Variants in DDAH1 observed in about 807,000 individuals in gnomAD.
DDAH1 encodes dimethylarginine dimethylaminohydrolase 1, also known as N(G),N(G)-dimethylarginine dimethylaminohydrolase 1.
DDAH1 carries 19 observed loss-of-function variants against 28.8 expected under a neutral mutation model. That is an observed-to-expected ratio of 0.66 (90% CI 0.46 to 0.97). DDAH1 has a LOEUF of 0.97. DDAH1 is among the 50% of genes least tolerant of loss of function. The pLI is 0.00. For synonymous variants in DDAH1, 153 were observed against 154.4 expected, an observed-to-expected ratio of 0.99 and a Z score of 0.07; for missense variants, 326 against 375.9, an observed-to-expected ratio of 0.87 and a Z score of 1.10.
chr1:85,387,253 A>C (rs36110608), intron 1 of DDAH1, among the ~76,000 whole-genome samples: 24,029 of 152,114 alleles, frequency 0.16, 2,282 homozygotes, highest in Admixed American at 0.22. Context: ...CAGGCTGAGA[A>C]CTTTCCAAAA....
At chr1:85,567,828 A>C (rs1344798930) in intron 1 of DDAH1, among the ~76,000 whole-genome samples, 1 of 152,184 alleles carries the variant, frequency 6.6e-6, no homozygotes, top group African/African-American at 2.4e-5. Flanking sequence ...ATAGGTAGAC[A>C]AAAAAATCAA....
At chr1:85,455,502 T>A (rs1278427809) in intron 1 of DDAH1, among the ~76,000 whole-genome samples, 1 of 152,204 alleles carries the variant, frequency 6.6e-6, no homozygotes, top group African/African-American at 2.4e-5. Context: ...AAAAGTTAAA[T>A]ATTAGAAAAC....
chr1:85,372,918 C>T (rs759769599), intron 1 of DDAH1, among the ~76,000 whole-genome samples: 6 of 152,044 alleles, frequency 3.9e-5, no homozygotes, highest in Middle Eastern at 3.4e-3. Flanking sequence ...CAGGAATGTG[C>T]GTGTTATGAA....
chr1:85,432,375 T>C lies in DDAH1; in HGVS notation c.303+32368A>G, dbSNP rs1057231490. Reference sequence around the variant, plus strand: ...CCACCCATCCCTCCCAAAGCTATGATTCTGAGATGTCTAAGCAACACTAGA... The same window carrying C: ...CCACCCATCCCTCCCAAAGCTATGACTCTGAGATGTCTAAGCAACACTAGA... On this transcript the variant is annotated intron_variant, in intron 1 of 5. Transcript: ENST00000284031. 2.3e-4 allele frequency among the ~76,000 whole-genome samples: 35 copies of C among 152,196 alleles called. 1 individual carries two copies. Among genetic ancestry groups the C allele is most frequent in the African/African-American group, 7.2e-4 (30 of 41,448 alleles).
At chr1:85,409,533 T>C (rs892870487) in intron 1 of DDAH1, among the ~76,000 whole-genome samples, 1 of 152,196 alleles carries the variant, frequency 6.6e-6, no homozygotes, top group Non-Finnish European at 1.5e-5. Flanking sequence ...GTGGAGATTC[T>C]ACGTCACACT....
At chr1:85,560,324 A>G (rs1659102828) in intron 1 of DDAH1, among the ~76,000 whole-genome samples, 1 of 152,158 alleles carries the variant, frequency 6.6e-6, no homozygotes. Context: ...AAATGTTCAA[A>G]GAAGTTCCTC....
chr1:85,565,973 C>T (rs567051521), intron 1 of DDAH1, among the ~76,000 whole-genome samples: 13 of 151,730 alleles, frequency 8.6e-5, no homozygotes, highest in South Asian at 8.3e-4. Flanking sequence ...CCCAGCTACT[C>T]GGGAGGCTGA....
chr1:85,422,777 C>G (rs1027470152), intron 1 of DDAH1, among the ~76,000 whole-genome samples: 1 of 152,074 alleles, frequency 6.6e-6, no homozygotes, highest in African/African-American at 2.4e-5. Context: ...GATGAGGTAA[C>G]GAGGGTGGGG....
upstream of DDAH1, among the ~76,000 whole-genome samples, chr1:85,465,682 G>A (rs930032124): frequency 6.6e-6 from 1 of 152,038 alleles, no homozygotes; most frequent in African/African-American, 2.4e-5. Flanking sequence ...GTGTGTGTTC[G>A]CGTGTGTGTG....
intron 1 of DDAH1, among the ~76,000 whole-genome samples, chr1:85,421,949 A>G (rs1224186345): frequency 6.6e-6 from 1 of 152,192 alleles, no homozygotes; most frequent in African/African-American, 2.4e-5. Context: ...TTGGGTAAAT[A>G]CTTAGGAGCA....
In DDAH1 at chr1:85,459,444, C is replaced by T. The variant is rs144656486; in HGVS notation, c.303+5299G>A. On this transcript the variant is annotated intron_variant, in intron 1 of 5. Coordinates refer to ENST00000284031, the MANE Select transcript of DDAH1 (RefSeq NM_012137.4). The stretch of plus-strand genomic sequence containing the variant: ...AGAGACTACATTATTGGATGCATCC[C>T]AGTCTCTGGGACACATCAATTTCCA... 1.5e-3 allele frequency among the ~76,000 whole-genome samples: 235 copies of T among 152,276 alleles called. 1 individual carries two copies. Among genetic ancestry groups the T allele is most frequent in the African/African-American group, 5.4e-3 (224 of 41,554 alleles).
In DDAH1 at chr1:85,436,736, C is replaced by T. The variant is rs1346188245; in HGVS notation, c.303+28007G>A. On this transcript the variant is annotated intron_variant, in intron 1 of 5. Transcript: ENST00000284031. ...GTGGGAGAAGAGAGCAGCTCTATGG[C>T]CACACAGGCCATTACTGGTGGGAAG... 5.3e-5 allele frequency among the ~76,000 whole-genome samples: 8 copies of T among 152,114 alleles called. No homozygotes were observed. In the South Asian group the frequency reaches 6.2e-4, roughly 12 times the overall value.
chr1:85,505,632 G>T (rs568707309), intron 1 of DDAH1, among the ~76,000 whole-genome samples: 5 of 152,300 alleles, frequency 3.3e-5, no homozygotes, highest in African/African-American at 9.6e-5. Flanking sequence ...TACTGAACCT[G>T]TCTATATTCT....
intron 1 of DDAH1, among the ~76,000 whole-genome samples, chr1:85,558,927 G>A (rs1659061784): frequency 6.6e-6 from 1 of 152,052 alleles, no homozygotes; most frequent in South Asian, 2.1e-4. Flanking sequence ...CTTCTTAATG[G>A]CTGCATAATT....
intron 1 of DDAH1, among the ~76,000 whole-genome samples, chr1:85,418,800 A>G (rs929796471): frequency 2.6e-5 from 4 of 152,162 alleles, no homozygotes; most frequent in African/African-American, 9.7e-5. Flanking sequence ...CAGGAACACT[A>G]TCTTGCCATG....
At chr1:85,403,231 ATG>A (rs1244519173) in intron 1 of DDAH1, among the ~76,000 whole-genome samples, 1 of 58,432 alleles carries the variant, frequency 1.7e-5, no homozygotes, top group Non-Finnish European at 3.9e-5. Context: ...GTGAATATAT[ATG>A]TGTGTATATA....
intron 1 of DDAH1, among the ~76,000 whole-genome samples, chr1:85,393,139 T>G (rs1169318001): frequency 6.6e-6 from 1 of 152,222 alleles, no homozygotes; most frequent in African/African-American, 2.4e-5. Context: ...AAGACACTCC[T>G]TAATAGCAAT....
intron 1 of DDAH1, among the ~76,000 whole-genome samples, chr1:85,387,941 T>C (rs1053190997): frequency 6.6e-6 from 1 of 152,104 alleles, no homozygotes; most frequent in Non-Finnish European, 1.5e-5. Flanking sequence ...CATCACATGG[T>C]GAGAGAGAGG....
intron 2 of DDAH1, among the ~76,000 whole-genome samples, chr1:85,484,131 A>G (rs1330462388): frequency 6.7e-6 from 1 of 149,226 alleles, no homozygotes; most frequent in African/African-American, 2.5e-5. Flanking sequence ...AGGCCCAAAC[A>G]TTTCTTAATC....
Sources: allele counts gnomAD v4.1 joint callset (sites outside exome capture counted in the v4.1 genomes callset), GRCh38; gene constraint gnomAD v4.1.1; transcripts MANE v1.5; gene names NCBI Gene and HGNC (gene_info 2026-07-23, HGNC 2026-07-21).